MDN1: variants seen among roughly 807,000 people sequenced by gnomAD.
MDN1 encodes midasin.
In MDN1, 266 loss-of-function variants were observed where a neutral mutation model predicts 669.2. The ratio of observed to expected loss-of-function variants is 0.40; its 90% CI spans 0.36 to 0.44. The LOEUF is 0.44. MDN1 is among the 20% of genes least tolerant of loss of function. The pLI is 1.00. For missense variants in MDN1, 5,940 were observed against 6,754.0 expected (o/e 0.88, Z 4.22); for synonymous variants, 2,385 against 2,457.1 (o/e 0.97, Z 0.87).
intron 15 of MDN1, among the ~76,000 whole-genome samples, chr6:89,769,553 G>A (rs950750913): frequency 6.6e-6 from 1 of 152,134 alleles, no homozygotes; most frequent in African/African-American, 2.4e-5. Context: ...CTAAAGTACA[G>A]TGGCATAACC....
rs1327827178 is a variant in MDN1, at chr6:89,672,641, G to T, written c.13536C>A (p.Ile4512=). 6.2e-7 allele frequency: 1 copy of T among 1,613,938 alleles called. No individual in the cohort carries two copies. Among genetic ancestry groups the T allele is most frequent in the African/African-American group, 1.3e-5 (1 of 74,898 alleles). The part of the protein sequence containing the change: ...EDFSEQMEIA[I]RAILCAIQNL... ...TCTGGATGGCACAGAGGATGGCTCGGATGGCAATTTCCATTTGCTCTGAAA... is the reference window on the plus strand; with the variant it reads ...TCTGGATGGCACAGAGGATGGCTCGTATGGCAATTTCCATTTGCTCTGAAA... Residue 4512 remains isoleucine, a synonymous_variant, in exon 81 of 102, where the codon ATC becomes ATA. Coordinates refer to ENST00000369393, the MANE Select transcript of MDN1 (RefSeq NM_014611.3).
At chr6:89,684,200 G>A (rs944262915) in intron 71 of MDN1, among the ~76,000 whole-genome samples, 20 of 151,970 alleles carry the variant, frequency 1.3e-4, no homozygotes, top group Admixed American at 7.9e-4. Flanking sequence ...AAAAATAGCC[G>A]GGCTTGGTGG....
intron 101 of MDN1, 142 bp downstream of exon 101, chr6:89,644,873 C>A: frequency 1.2e-6 from 1 of 838,384 alleles, no homozygotes; most frequent in South Asian, 2.7e-5. Flanking sequence ...CTTACAAGTG[C>A]CTACAATGGT....
At chr6:89,791,165 C>T (rs767950969) in intron 5 of MDN1, among the ~76,000 whole-genome samples, 10 of 151,974 alleles carry the variant, frequency 6.6e-5, no homozygotes, top group Non-Finnish European at 1.3e-4. Context: ...AGAAAATCTT[C>T]CAAAGTTTAA....
chr6:89,805,124 C>T (rs1767934190), intron 1 of MDN1, among the ~76,000 whole-genome samples: 1 of 150,716 alleles, frequency 6.6e-6, no homozygotes, highest in African/African-American at 2.4e-5. Context: ...GTATAAAAGG[C>T]ATTATATTGC....
At chr6:89,696,301 C>T in intron 60 of MDN1, 59 bp downstream of exon 60, 1 of 1,548,266 alleles carries the variant, frequency 6.5e-7, no homozygotes, top group Non-Finnish European at 8.9e-7. Context: ...TGGGTCTCTG[C>T]TCCATGCTGT....
At chr6:89,777,363 A>G (rs1486777123) in intron 11 of MDN1, among the ~76,000 whole-genome samples, 1 of 152,234 alleles carries the variant, frequency 6.6e-6, no homozygotes, top group African/African-American at 2.4e-5. Context: ...GGCTGACTCC[A>G]TCTTACTTCT....
At chr6:89,771,221 T>C (rs1039159351) in intron 15 of MDN1, among the ~76,000 whole-genome samples, 2 of 152,190 alleles carry the variant, frequency 1.3e-5, no homozygotes, top group African/African-American at 4.8e-5. Flanking sequence ...ATTGCTATAC[T>C]AAAAATCATA....
intron 35 of MDN1, among the ~76,000 whole-genome samples, chr6:89,730,333 A>G (rs1396195951): frequency 1.3e-5 from 2 of 152,212 alleles, no homozygotes; most frequent in East Asian, 3.9e-4. Context: ...GGTTCACAAA[A>G]CCTGTTTCTG....
intron 73 of MDN1, among the ~76,000 whole-genome samples, chr6:89,681,109 A>G (rs1359839581): frequency 6.6e-6 from 1 of 152,154 alleles, no homozygotes; most frequent in Non-Finnish European, 1.5e-5. Flanking sequence ...CAGCCAGGCG[A>G]AACTGGTCCT....
rs1816882597 is a variant in MDN1 at position 89,750,465 on chromosome 6, C to T, written c.3295G>A (p.Ala1099Thr). Reference protein sequence around the residue: ...GKTSLIQWLAAATGNHCVRIN... With the variant: ...GKTSLIQWLATATGNHCVRIN... ...CGCACACAGTGGTTGCCAGTAGCTG[C>T]AGCCAGCCACTGGATCAGGCTTGTT... The change falls in exon 24 of 102, where the codon GCA (alanine) becomes ACA (threonine). Residue 1099 changes from alanine to threonine, a missense_variant. Transcript: ENST00000369393. The T allele has an allele frequency of 6.2e-7, 1 of 1,613,930 alleles. No homozygotes were observed. Among genetic ancestry groups the T allele is most frequent in the Non-Finnish European group, 8.5e-7 (1 of 1,179,820 alleles).
chr6:89,793,150 G>A (rs574119977), intron 5 of MDN1, among the ~76,000 whole-genome samples: 1 of 152,322 alleles, frequency 6.6e-6, no homozygotes, highest in South Asian at 2.1e-4. Context: ...GAGAGAGGAA[G>A]TTCACTAGAT....
chr6:89,786,079 T>G (rs911696285), intron 8 of MDN1, among the ~76,000 whole-genome samples: 4 of 151,540 alleles, frequency 2.6e-5, no homozygotes, highest in African/African-American at 9.7e-5. Context: ...CTGGGCAACA[T>G]GGCAAAACCC....
intron 39 of MDN1, 35 bp downstream of exon 39, chr6:89,723,477 G>T: frequency 8.1e-7 from 1 of 1,235,142 alleles, no homozygotes; most frequent in Non-Finnish European, 1.1e-6. Context: ...AATACAGCCA[G>T]AAAAAAAAAG....
chr6:89,732,352 G>A (rs1815655865), intron 34 of MDN1, among the ~76,000 whole-genome samples: 1 of 151,754 alleles, frequency 6.6e-6, no homozygotes, highest in Non-Finnish European at 1.5e-5. Context: ...TTAAGTACCT[G>A]GTCTACCAGC....
intron 53 of MDN1, 118 bp from the exon 54 acceptor site, chr6:89,702,179 T>C (rs985108657): frequency 1.1e-6 from 1 of 935,528 alleles, no homozygotes; most frequent in African/African-American, 1.7e-5. Context: ...ACACACAACA[T>C]AGGCTATAAT....
chr6:89,677,885 C>G lies in MDN1; in HGVS notation c.12413-189G>C, dbSNP rs990039166. Among the ~76,000 whole-genome samples, 3 of 152,216 alleles carry G rather than the reference C, an allele frequency of 2.0e-5. No individual in the cohort carries two copies. In the South Asian group the frequency reaches 6.2e-4, roughly 32 times the overall value. On this transcript the variant is annotated intron_variant, in intron 75 of 101. Transcript: ENST00000369393. The stretch of plus-strand genomic sequence containing the variant: ...TGTAGCTGCACTTCCACAAGATTCC[C>G]CAGGTGATTCACATGCACGTTCAAG...
chr6:89,698,158 C>CT (rs1426484812), intron 59 of MDN1, among the ~76,000 whole-genome samples: 1 of 152,164 alleles, frequency 6.6e-6, no homozygotes, highest in Non-Finnish European at 1.5e-5. Context: ...CTCTTCACAT[C>CT]TTTAAAAAAG....
intron 1 of MDN1, 91 bp downstream of exon 1, chr6:89,819,415 A>T: frequency 8.1e-7 from 1 of 1,239,860 alleles, no homozygotes; most frequent in Non-Finnish European, 1.2e-6. Flanking sequence ...CTCCCCACTT[A>T]AAGCGGCGAG....
Sources: allele counts gnomAD v4.1 joint callset (sites outside exome capture counted in the v4.1 genomes callset), GRCh38; gene constraint gnomAD v4.1.1; transcripts MANE v1.5; gene names NCBI Gene and HGNC (gene_info 2026-07-23, HGNC 2026-07-21).